NSL1: variants seen among roughly 807,000 people sequenced by gnomAD.
NSL1 encodes NSL1 component of MIS12 kinetochore complex.
In NSL1, 11 loss-of-function variants were observed where a neutral mutation model predicts 25.4. The observed-to-expected ratio is 0.43, with a 90% CI of 0.27 to 0.72. The LOEUF (loss-of-function observed/expected upper bound fraction) is 0.72. Ranked by LOEUF, NSL1 falls within the 30% of genes least tolerant of loss-of-function variation. NSL1 has a pLI of 0.19. For synonymous variants in NSL1, 118 were observed against 120.6 expected (o/e 0.98, Z 0.14); for missense variants, 330 against 342.7 (o/e 0.96, Z 0.29).
chr1:212,783,607 T>C (rs1045793059), intron 3 of NSL1, among the ~76,000 whole-genome samples: 2 of 152,162 alleles, frequency 1.3e-5, no homozygotes, highest in Non-Finnish European at 2.9e-5. Flanking sequence ...TATAGCACAA[T>C]CTAAACACAA....
intron 2 of NSL1, among the ~76,000 whole-genome samples, chr1:212,786,120 CTAGA>C (rs71147028): frequency 3.9e-5 from 3 of 76,840 alleles, no homozygotes; most frequent in Admixed American, 2.4e-4. Context: ...TCCTTCTTTC[CTAGA>C]TAGATAGATA....
intron 4 of NSL1, among the ~76,000 whole-genome samples, chr1:212,775,481 A>C (rs933687015): frequency 9.9e-5 from 15 of 152,122 alleles, no homozygotes; most frequent in Non-Finnish European, 2.1e-4. Flanking sequence ...AATGAGAGTA[A>C]ATAAAACAAA....
intron 4 of NSL1, among the ~76,000 whole-genome samples, chr1:212,749,987 CA>C (rs961168390): frequency 1.3e-4 from 20 of 150,352 alleles, no homozygotes; most frequent in Non-Finnish European, 2.7e-4. Flanking sequence ...ATATGGCAAC[CA>C]AAAACTTTCT....
Position 212,737,992 on chromosome 1 carries a change from T to C in NSL1, c.*416A>G, listed in dbSNP as rs370154928. On this transcript the variant is annotated 3_prime_UTR_variant, in exon 6 of 6. Transcript: ENST00000366977. Reference sequence around the variant, plus strand: ...CAGAACTGATAATTACTTTTCAGCATGTAAACGAAAAATCATTATACAGCT... The same window carrying C: ...CAGAACTGATAATTACTTTTCAGCACGTAAACGAAAAATCATTATACAGCT... 403 of 987,308 alleles carry C rather than the reference T, an allele frequency of 4.1e-4. 3 individuals are homozygous for C. The South Asian group carries it at 5.0e-3, about 12-fold the overall frequency. The allele number at this position is 987,308 out of a possible 1,614,324, so 61.2% of individuals were successfully genotyped here.
intron 4 of NSL1, among the ~76,000 whole-genome samples, chr1:212,780,380 G>A (rs1035559549): frequency 3.0e-4 from 45 of 151,062 alleles, no homozygotes; most frequent in African/African-American, 1.0e-3. Flanking sequence ...AGGCCGCAGG[G>A]TCCTCTGCCT....
intron 4 of NSL1, among the ~76,000 whole-genome samples, chr1:212,763,079 C>A (rs1420413962): frequency 6.6e-6 from 1 of 152,152 alleles, no homozygotes; most frequent in Non-Finnish European, 1.5e-5. Flanking sequence ...GAGTTCCGTG[C>A]GCAGACTGCC....
chr1:212,748,041 C>T (rs773784834), intron 4 of NSL1, among the ~76,000 whole-genome samples: 10 of 152,192 alleles, frequency 6.6e-5, no homozygotes, highest in Non-Finnish European at 1.5e-4. Flanking sequence ...GCTGGGATTA[C>T]AGGTATGAGC....
intron 4 of NSL1, among the ~76,000 whole-genome samples, chr1:212,743,728 G>A (rs1227613830): frequency 1.3e-5 from 2 of 152,020 alleles, no homozygotes; most frequent in African/African-American, 4.8e-5. Context: ...CAAAAATCTG[G>A]AAAACAGTCA....
chr1:212,744,422 G>A (rs77602892), intron 4 of NSL1, among the ~76,000 whole-genome samples: 194 of 152,216 alleles, frequency 1.3e-3, no homozygotes, highest in African/African-American at 4.6e-3. Flanking sequence ...CATTTCTAGA[G>A]TTACCATATT....
At chr1:212,743,141 T>C (rs1658580023) in intron 4 of NSL1, among the ~76,000 whole-genome samples, 1 of 152,216 alleles carries the variant, frequency 6.6e-6, no homozygotes, top group South Asian at 2.1e-4. Flanking sequence ...TAGCTCTAGC[T>C]GCAAAGATTT....
In NSL1 at chr1:212,736,862, T is replaced by C. The variant is rs1658251094; in HGVS notation, c.*1546A>G. On this transcript the variant is annotated 3_prime_UTR_variant, in exon 6 of 6. Transcript: ENST00000366977. ...CATTTAAAAACTCTATGTAGCACAA[T>C]ATACCTCTCTTAAAAGGGAGGGACC... 6 of 985,350 alleles carry C rather than the reference T, an allele frequency of 6.1e-6. No individual in the cohort carries two copies. Among genetic ancestry groups the C allele is most frequent in the Non-Finnish European group, 7.2e-6 (6 of 829,832 alleles). The allele number at this position is 985,350 out of a possible 1,614,324, so 61.0% of individuals were successfully genotyped here. A position where few individuals can be genotyped will look rare whatever the true frequency, so the allele number is the denominator to read the frequency against.
intron 4 of NSL1, chr1:212,782,061 G>T: frequency 1.7e-6 from 1 of 600,662 alleles, no homozygotes; most frequent in Non-Finnish European, 3.2e-6. Flanking sequence ...GTAATGCAAA[G>T]AATAGATAGT....
intron 4 of NSL1, among the ~76,000 whole-genome samples, chr1:212,740,835 T>G (rs1658470685): frequency 6.6e-6 from 1 of 152,210 alleles, no homozygotes; most frequent in Non-Finnish European, 1.5e-5. Context: ...TATGTGCTTC[T>G]TTATTGATGA....
In NSL1 at chr1:212,729,174, A is replaced by G. The variant is rs974987816; in HGVS notation, c.*9234T>C. ...CAAAATCATTTCTTGCAAGCAGGTA[A>G]TTCCACAGAAGTTTCCAAACCCATG... On this transcript the variant is annotated 3_prime_UTR_variant, in exon 6 of 6. Transcript: ENST00000366977. 1 of 985,448 alleles carries G rather than the reference A, an allele frequency of 1.0e-6. No individual in the cohort carries two copies. The highest frequency in any genetic ancestry group is 1.2e-6 in the Non-Finnish European group (1 of 829,936). The allele number at this position is 985,448 out of a possible 1,614,324, so 61.0% of individuals were successfully genotyped here.
intron 4 of NSL1, among the ~76,000 whole-genome samples, chr1:212,762,097 A>T (rs1221331421): frequency 6.6e-6 from 1 of 151,960 alleles, no homozygotes; most frequent in Non-Finnish European, 1.5e-5. Context: ...CAGGAGTTTG[A>T]GACTAGCCTG....
Position 212,727,311 on chromosome 1 carries a change from C to T in NSL1, c.*11097G>A, listed in dbSNP as rs1023855982. On this transcript the variant is annotated 3_prime_UTR_variant, in exon 6 of 6. Transcript: ENST00000366977. ...TTGTTCCAGGCAGGGCCCAGGATCC[C>T]CTTCCAAATTACTGAGGGGCAGTAA... is the stretch of plus-strand genomic sequence containing the variant. The T allele has an allele frequency of 8.6e-5, 111 of 1,292,200 alleles. No individual in the cohort carries two copies. Among genetic ancestry groups the T allele is most frequent in the Non-Finnish European group, 1.1e-4 (107 of 1,017,288 alleles). 80.0% of individuals were successfully genotyped at this position (1,292,200 alleles called of 1,614,324 possible). A position where few individuals can be genotyped will look rare whatever the true frequency, so the allele number is the denominator to read the frequency against.
intron 4 of NSL1, among the ~76,000 whole-genome samples, chr1:212,765,452 C>T (rs185291456): frequency 6.6e-6 from 1 of 152,260 alleles, no homozygotes; most frequent in East Asian, 1.9e-4. Context: ...AATAAACATG[C>T]TACATAACAG....
At position 212,774,618 on chromosome 1, in the gene NSL1, A is replaced by G. The variant is rs181429759; in HGVS notation, c.499+7754T>C. 2.6e-5 allele frequency among the ~76,000 whole-genome samples: 4 copies of G among 152,362 alleles called. No individual in the cohort carries two copies. The East Asian group carries it at 7.7e-4, about 29-fold the overall frequency. The stretch of plus-strand genomic sequence containing the variant: ...CATTGTTAGCCATTACAGAAATTCA[A>G]TTTAAAATCACAATAAGATACCACT... On this transcript the variant is annotated intron_variant, in intron 4 of 5. Transcript: ENST00000366977.
At position 212,729,894 on chromosome 1, in the gene NSL1, G is replaced by T. The variant is rs1476081980; in HGVS notation, c.*8514C>A. ...GTGACCCAGGCAGCAAGGACCCTGA[G>T]GGGGCAGGTAACCAGAAGCTGCCTT... On this transcript the variant is annotated 3_prime_UTR_variant, in exon 6 of 6. Coordinates refer to ENST00000366977, the MANE Select transcript of NSL1 (RefSeq NM_015471.4). The T allele has an allele frequency of 8.1e-6, 8 of 985,266 alleles. No homozygotes were observed. Among genetic ancestry groups the T allele is most frequent in the Non-Finnish European group, 9.6e-6 (8 of 829,932 alleles). The allele number at this position is 985,266 out of a possible 1,614,324, so 61.0% of individuals were successfully genotyped here. A position where few individuals can be genotyped will look rare whatever the true frequency, so the allele number is the denominator to read the frequency against.
Sources: gnomAD v4.1 joint callset for allele counts (sites outside exome capture counted in the v4.1 genomes callset) on GRCh38, gnomAD v4.1.1 for gene constraint, MANE v1.5 for transcripts, NCBI Gene and HGNC (gene_info 2026-07-23, HGNC 2026-07-21) for gene names.